Variants in MAMDC2 observed in about 807,000 individuals in gnomAD.
MAMDC2 encodes MAM domain containing 2.
Under a neutral mutation model 89.8 loss-of-function variants are expected in MAMDC2, and 57 were observed. The observed-to-expected ratio is 0.63, with a 90% CI of 0.51 to 0.79. MAMDC2 has a LOEUF of 0.79. Ranked by LOEUF, MAMDC2 falls within the 30% of genes least tolerant of loss-of-function variation. The pLI, the probability that MAMDC2 is intolerant of heterozygous loss-of-function variation, is 0.00. For missense variants in MAMDC2, 800 were observed against 820.6 expected, an observed-to-expected ratio of 0.97 and a Z score of 0.31; for synonymous variants, 313 against 293.4, an observed-to-expected ratio of 1.07 and a Z score of -0.68.
At chr9:70,137,496 T>C (rs1342193308) in intron 7 of MAMDC2, among the ~76,000 whole-genome samples, 1 of 152,180 alleles carries the variant, frequency 6.6e-6, no homozygotes, top group Non-Finnish European at 1.5e-5. Context: ...TATAGATATG[T>C]GTTCTTCTGG....
intron 5 of MAMDC2, among the ~76,000 whole-genome samples, chr9:70,120,026 T>C (rs141459324): frequency 1.1e-3 from 169 of 152,334 alleles, no homozygotes; most frequent in African/African-American, 3.8e-3. Context: ...AGTCACGGTA[T>C]GCCCTACCAG....
At chr9:70,087,524 T>G (rs1388092297) in intron 2 of MAMDC2, 1 of 152,108 alleles carries the variant, frequency 6.6e-6, no homozygotes, top group East Asian at 1.9e-4. Flanking sequence ...ATTCTTATAA[T>G]TGAGTCTCAT....
intron 11 of MAMDC2, among the ~76,000 whole-genome samples, chr9:70,202,700 G>T: frequency 6.7e-6 from 1 of 148,538 alleles, no homozygotes; most frequent in Admixed American, 6.7e-5. Flanking sequence ...AAGTCTCTTT[G>T]TAGGTCACTC....
At chr9:70,205,062 G>A (rs150559034) in intron 11 of MAMDC2, among the ~76,000 whole-genome samples, 30 of 152,246 alleles carry the variant, frequency 2.0e-4, no homozygotes, top group Non-Finnish European at 4.1e-4. Flanking sequence ...GTTCCTATTC[G>A]GCCATCTTGG....
chr9:70,162,903 C>G (rs74986795), intron 9 of MAMDC2, among the ~76,000 whole-genome samples: 15,169 of 75,688 alleles, frequency 0.2, 1,587 homozygotes, highest in African/African-American at 0.35. Context: ...AATCAACCAC[C>G]CCCCTCAAAA....
chr9:70,097,161 G>GA (rs941265555), intron 2 of MAMDC2, among the ~76,000 whole-genome samples: 9 of 151,256 alleles, frequency 6.0e-5, no homozygotes, highest in East Asian at 1.9e-4. Flanking sequence ...TGGCACTAGA[G>GA]AAAAAAAAAT....
At chr9:70,114,381 C>T (rs1321850802) in intron 5 of MAMDC2, among the ~76,000 whole-genome samples, 1 of 150,952 alleles carries the variant, frequency 6.6e-6, no homozygotes, top group African/African-American at 2.4e-5. Context: ...GTTTCAAGAT[C>T]ATTAGGAAGG....
chr9:70,195,910 C>A (rs982312617), intron 11 of MAMDC2, among the ~76,000 whole-genome samples: 1 of 152,010 alleles, frequency 6.6e-6, no homozygotes, highest in African/African-American at 2.4e-5. Context: ...AACAATGCAA[C>A]CTTCTGTATT....
intron 9 of MAMDC2, among the ~76,000 whole-genome samples, chr9:70,163,229 C>CTTTTTTTT (rs66957093): frequency 1.6e-5 from 2 of 125,126 alleles, no homozygotes; most frequent in African/African-American, 3.0e-5. Context: ...TTCTTTCTTT[C>CTTTTTTTT]TTTTTTTTTT....
At chr9:70,203,282 C>T (rs1331476162) in intron 11 of MAMDC2, among the ~76,000 whole-genome samples, 1 of 151,788 alleles carries the variant, frequency 6.6e-6, no homozygotes, top group African/African-American at 2.4e-5. Flanking sequence ...ATTTGCTTGT[C>T]TGTAAAGTAT....
At chr9:70,166,643 G>T (rs145428002) in intron 9 of MAMDC2, among the ~76,000 whole-genome samples, 3 of 151,886 alleles carry the variant, frequency 2.0e-5, no homozygotes. Context: ...AAAATTCTGG[G>T]TGTTTGCTTG....
chr9:70,221,603 ATGTAT>A (rs1400904284), intron 12 of MAMDC2, among the ~76,000 whole-genome samples: 1 of 151,516 alleles, frequency 6.6e-6, no homozygotes, highest in Admixed American at 6.6e-5. Flanking sequence ...ACAGTCAATA[ATGTAT>A]TGTATATTTC....
At chr9:70,157,195 G>A (rs915136719) in intron 9 of MAMDC2, among the ~76,000 whole-genome samples, 9 of 152,034 alleles carry the variant, frequency 5.9e-5, no homozygotes, top group African/African-American at 1.7e-4. Flanking sequence ...TTTCACAGCC[G>A]TACAGTCATT....
chr9:70,202,925 CT>C (rs1318943939), intron 11 of MAMDC2, among the ~76,000 whole-genome samples: 1 of 150,106 alleles, frequency 6.7e-6, no homozygotes, highest in Non-Finnish European at 1.5e-5. Context: ...TTCCTCCATC[CT>C]TTTATTTTGA....
chr9:70,074,067 C>T (rs1013527232), intron 2 of MAMDC2, among the ~76,000 whole-genome samples: 1 of 152,204 alleles, frequency 6.6e-6, no homozygotes, highest in Admixed American at 6.5e-5. Context: ...ATCAAATCCT[C>T]TACCCCAGGG....
rs770273719 is a variant in MAMDC2, at chr9:70,126,301, C to T, written c.786C>T (p.Ser262=). The T allele has an allele frequency of 1.9e-6, 3 of 1,614,134 alleles. No homozygotes were observed. Among genetic ancestry groups the T allele is most frequent in the South Asian group, 2.2e-5 (2 of 91,076 alleles). The change falls in exon 6 of 14, where the codon TCC becomes TCT. Residue 262 remains serine, a synonymous_variant. Coordinates refer to ENST00000377182, the MANE Select transcript of MAMDC2 (RefSeq NM_153267.5). ...AGCAGGGGAATGACAATGTCTTTTC[C>T]CTTTACACTCGGGATGTGGCTGGCC... The part of the protein sequence containing the change: ...QIQQGNDNVF[S]LYTRDVAGLY...
chr9:70,188,928 TA>T (rs2032820823), intron 11 of MAMDC2, among the ~76,000 whole-genome samples: 6 of 152,068 alleles, frequency 3.9e-5, no homozygotes, highest in Non-Finnish European at 8.8e-5. Flanking sequence ...TGACTTAAGA[TA>T]ATCTAGTTCA....
chr9:70,066,174 C>A (rs1284194172), intron 2 of MAMDC2, among the ~76,000 whole-genome samples: 2 of 152,122 alleles, frequency 1.3e-5, no homozygotes, highest in Non-Finnish European at 1.5e-5. Flanking sequence ...CACAGCTCAG[C>A]AGAGACCCAA....
intron 11 of MAMDC2, chr9:70,175,819 T>C (rs1413484723): frequency 5.9e-5 from 9 of 152,244 alleles, no homozygotes; most frequent in South Asian, 2.1e-4. Flanking sequence ...GAAATTTCTC[T>C]CCTTGGCTTG....
Sources: gnomAD v4.1 joint callset for allele counts (sites outside exome capture counted in the v4.1 genomes callset) on GRCh38, gnomAD v4.1.1 for gene constraint, MANE v1.5 for transcripts, NCBI Gene and HGNC (gene_info 2026-07-23, HGNC 2026-07-21) for gene names.